Variants in BCL9 observed in about 807,000 individuals in gnomAD.
BCL9 encodes B-cell CLL/lymphoma 9 protein.
Under a neutral mutation model 88.5 loss-of-function variants are expected in BCL9, and 25 were observed. That is an observed-to-expected ratio of 0.28 (90% confidence interval 0.21 to 0.39). The LOEUF (loss-of-function observed/expected upper bound fraction) is 0.39, where lower values mean the gene tolerates loss of function less well. BCL9 is among the 10% of genes least tolerant of loss of function. The probability of loss-of-function intolerance (pLI) is 1.00; values close to 1 mark genes in which losing one functional copy is unlikely to be tolerated. For synonymous variants in BCL9, 711 were observed against 673.3 expected, an observed-to-expected ratio of 1.06 and a Z score of -0.87; for missense variants, 1,817 against 1,877.8, an observed-to-expected ratio of 0.97 and a Z score of 0.60.
intron 1 of BCL9, among the ~76,000 whole-genome samples, chr1:147,571,547 T>C (rs1655888566): frequency 6.6e-6 from 1 of 152,132 alleles, no homozygotes; most frequent in Admixed American, 6.5e-5. Context: ...AGTTTACCAC[T>C]AGCCCCTCCC....
rs782382769 is a variant in BCL9 at position 147,624,835 on chromosome 1, G to C, written c.4157G>C (p.Gly1386Ala). 1.2e-6 allele frequency: 2 copies of C among 1,614,150 alleles called. No individual in the cohort carries two copies. Among genetic ancestry groups the C allele is most frequent in the Non-Finnish European group, 1.7e-6 (2 of 1,180,002 alleles). ...CCAGGCATGATGATGTCCATGCAGG[G>C]CATGATGGGACCCCAACAGAACATC... ...GSPGMMMSMQ[G>A]MMGPQQNIMI... The change falls in exon 10 of 10, where the codon GGC (glycine) becomes GCC (alanine). Residue 1386 changes from glycine to alanine, a missense_variant. Physicochemically the swap from Gly to Ala is moderately conservative, Grantham distance 60. Transcript: ENST00000234739. This position sits in a 1 kb window ranked among gnomAD's most constrained non-coding sequence, Gnocchi z 4.4.
intron 1 of BCL9, among the ~76,000 whole-genome samples, chr1:147,561,676 A>G (rs1298440989): frequency 6.6e-6 from 1 of 152,230 alleles, no homozygotes; most frequent in African/African-American, 2.4e-5. Context: ...AAAAATGAAT[A>G]CGATTCAGTC....
rs1224892846 is a variant in BCL9 at position 147,625,026 on chromosome 1, G to A, written c.*67G>A. On this transcript the variant is annotated 3_prime_UTR_variant, in exon 10 of 10. Transcript: ENST00000234739. The stretch of plus-strand genomic sequence containing the variant: ...TCCAGGTCCTGAGAGCTGCTTTGAG[G>A]GAGTTCCAGGAGTACTTACTATTGG... 13 of 1,533,450 alleles carry A rather than the reference G, an allele frequency of 8.5e-6. No homozygotes were observed. In the East Asian group the frequency reaches 2.7e-4, roughly 32 times the overall value. 95.0% of individuals were successfully genotyped at this position (1,533,450 alleles called of 1,614,324 possible).
At chr1:147,566,000 A>G (rs1424201101) in intron 1 of BCL9, among the ~76,000 whole-genome samples, 1 of 152,218 alleles carries the variant, frequency 6.6e-6, no homozygotes, top group Non-Finnish European at 1.5e-5. Context: ...ACTGTTTCTT[A>G]CAATTATTTT....
At chr1:147,590,887 A>G (rs1317848671) in intron 1 of BCL9, among the ~76,000 whole-genome samples, 1 of 152,244 alleles carries the variant, frequency 6.6e-6, no homozygotes, top group South Asian at 2.1e-4. Context: ...TACTACGCCT[A>G]TCATATGGTT....
chr1:147,609,514 C>T (rs1235446312), intron 3 of BCL9, among the ~76,000 whole-genome samples: 1 of 152,232 alleles, frequency 6.6e-6, no homozygotes, highest in Non-Finnish European at 1.5e-5. Context: ...AAGCCATTCA[C>T]ACCCCATGTG....
chr1:147,587,620 C>T (rs1330684099), intron 1 of BCL9, among the ~76,000 whole-genome samples: 1 of 152,204 alleles, frequency 6.6e-6, no homozygotes, highest in Non-Finnish European at 1.5e-5. Context: ...AGCTGCTAAA[C>T]AACCTCATTT....
In BCL9 at chr1:147,619,008, C is replaced by G; in HGVS notation, c.853C>G (p.Leu285Val). ...DRESPGVENK[L>V]IPSVGSPASS... ...GGAGAGTCCTGGGGTAGAAAACAAACTGATTCCTTCTGTAGGAAGTCCTGC... is the reference window on the plus strand; with the variant it reads ...GGAGAGTCCTGGGGTAGAAAACAAAGTGATTCCTTCTGTAGGAAGTCCTGC... The change falls in exon 8 of 10, where the codon CTG (leucine) becomes GTG (valine). Residue 285 changes from leucine (L) to valine (V), a missense_variant. By Grantham distance (32) the Leu-to-Val change is conservative (BLOSUM62 1). Around this residue, in one of 2 missense-constraint regions of BCL9, gnomAD observed 1,228 missense variants for 1,191.6 expected, o/e 1.03. Transcript: ENST00000234739. The surrounding 1 kb of genome is among the most constrained non-coding windows in gnomAD (Gnocchi z 4.1). The G allele has an allele frequency of 6.2e-7, 1 of 1,610,022 alleles. No individual in the cohort carries two copies. Among genetic ancestry groups the G allele is most frequent in the South Asian group, 1.1e-5 (1 of 90,528 alleles).
At position 147,619,458 on chromosome 1, in the gene BCL9, C is replaced by T. The variant is rs1557859943; in HGVS notation, c.1303C>T (p.His435Tyr). The change falls in exon 8 of 10, where the codon CAT becomes TAT. Residue 435 changes from histidine to tyrosine, a missense_variant. His to Tyr is a moderately conservative substitution (Grantham distance 83). Around this residue, in one of 2 missense-constraint regions of BCL9, gnomAD observed 1,228 missense variants for 1,191.6 expected, o/e 1.03. Transcript: ENST00000234739. The surrounding 1 kb of genome is among the most constrained non-coding windows in gnomAD (Gnocchi z 4.1). ...DVGAPFGPQGHRDVPFSPDEM... is the reference protein window; with the variant it reads ...DVGAPFGPQGYRDVPFSPDEM... ...GGGAGCTCCATTTGGCCCTCAAGGA[C>T]ATAGAGATGTACCCTTTTCTCCAGA... 2 of 1,614,140 alleles carry T rather than the reference C, an allele frequency of 1.2e-6. No individual in the cohort carries two copies.
chr1:147,562,221 G>T, intron 1 of BCL9, among the ~76,000 whole-genome samples: 1 of 152,084 alleles, frequency 6.6e-6, no homozygotes, highest in East Asian at 1.9e-4. Flanking sequence ...CTAGCTACTC[G>T]GGAAGGCTGA....
intron 3 of BCL9, among the ~76,000 whole-genome samples, chr1:147,608,947 G>T (rs1657867622): frequency 6.6e-6 from 1 of 152,186 alleles, no homozygotes. Flanking sequence ...ACTTAACATT[G>T]CAGAGCCCGT....
intron 1 of BCL9, among the ~76,000 whole-genome samples, chr1:147,599,676 C>T (rs1425232171): frequency 6.6e-6 from 1 of 152,186 alleles, no homozygotes; most frequent in Non-Finnish European, 1.5e-5. Context: ...GAGTGGGCGT[C>T]CCCTCCAGCC....
In BCL9 at chr1:147,601,674, C is replaced by G. The variant is rs587680872; in HGVS notation, c.-477-3103C>G. Among the ~76,000 whole-genome samples, 20 of 152,248 alleles carry G rather than the reference C, an allele frequency of 1.3e-4. No homozygotes were observed. In the South Asian group the frequency reaches 3.1e-3, roughly 24 times the overall value. On this transcript the variant is annotated intron_variant, in intron 1 of 9. Transcript: ENST00000234739. ...AATACTAGTGATTGGAAAGTTTTAG[C>G]AAGGAGAGATGTTTGCGTGAATAAT...
At chr1:147,592,506 G>T (rs979342549) in intron 1 of BCL9, among the ~76,000 whole-genome samples, 3 of 152,190 alleles carry the variant, frequency 2.0e-5, no homozygotes, top group African/African-American at 7.2e-5. Context: ...TTATTAAAAT[G>T]AAACAAGGCT....
intron 1 of BCL9, among the ~76,000 whole-genome samples, chr1:147,601,014 C>T (rs1420897452): frequency 1.3e-5 from 2 of 152,068 alleles, no homozygotes; most frequent in African/African-American, 2.4e-5. Flanking sequence ...AGTAAAACAA[C>T]AGCAGGGTTG....
At chr1:147,543,736 G>A (rs1553194019) in intron 1 of BCL9, among the ~76,000 whole-genome samples, 6 of 152,154 alleles carry the variant, frequency 3.9e-5, no homozygotes, top group Non-Finnish European at 8.8e-5. Context: ...GTCCAAGAGA[G>A]ATAAGCACTG....
chr1:147,558,723 A>G (rs587770450), intron 1 of BCL9, among the ~76,000 whole-genome samples: 1 of 152,278 alleles, frequency 6.6e-6, no homozygotes, highest in Non-Finnish European at 1.5e-5. Context: ...AGTTCCTTAT[A>G]GGACATGATA....
chr1:147,601,484 C>T (rs782286684), intron 1 of BCL9, among the ~76,000 whole-genome samples: 4 of 152,060 alleles, frequency 2.6e-5, no homozygotes, highest in African/African-American at 7.3e-5. Context: ...GATTTGTGCA[C>T]TGAGCAAAGT....
At chr1:147,550,614 A>G (rs958479970) in intron 1 of BCL9, among the ~76,000 whole-genome samples, 11 of 152,334 alleles carry the variant, frequency 7.2e-5, no homozygotes, top group African/African-American at 2.6e-4. Flanking sequence ...CAAGCATACT[A>G]CTGGAATTGG....
Sources: gnomAD v4.1 joint callset for allele counts (sites outside exome capture counted in the v4.1 genomes callset) on GRCh38, gnomAD v4.1.1 for gene constraint, gnomAD v4.1.1 regional missense constraint, Gnocchi (gnomAD v3.1) non-coding constraint, MANE v1.5 for transcripts, NCBI Gene and HGNC (gene_info 2026-07-23, HGNC 2026-07-21) for gene names.